SLC24A3: variants seen among roughly 807,000 people sequenced by gnomAD.
The protein encoded by SLC24A3 is solute carrier family 24 member 3.
Under a neutral mutation model 75.8 loss-of-function variants are expected in SLC24A3, and 28 were observed. The ratio of observed to expected loss-of-function variants is 0.37; its 90% CI spans 0.27 to 0.51. SLC24A3 has a LOEUF of 0.51. Ranked by LOEUF, SLC24A3 falls within the 20% of genes least tolerant of loss-of-function variation. SLC24A3 has a pLI of 0.94. For missense variants in SLC24A3, 663 were observed against 847.8 expected (o/e 0.78, Z 2.71); for synonymous variants, 372 against 334.1 (o/e 1.11, Z -1.24).
chr20:19,413,486 C>T (rs16980501), intron 2 of SLC24A3, among the ~76,000 whole-genome samples: 17,967 of 152,126 alleles, frequency 0.12, 1,587 homozygotes, highest in East Asian at 0.39. Context: ...GCCCTTTGAG[C>T]TGCCCCGTTC....
intron 2 of SLC24A3, among the ~76,000 whole-genome samples, chr20:19,391,085 G>A (rs186211061): frequency 1.3e-5 from 2 of 152,318 alleles, no homozygotes; most frequent in African/African-American, 2.4e-5. Flanking sequence ...ACCATCCTGG[G>A]ACCAGAACAT....
At chr20:19,452,633 G>A (rs988155004) in intron 2 of SLC24A3, among the ~76,000 whole-genome samples, 7 of 151,960 alleles carry the variant, frequency 4.6e-5, no homozygotes, top group African/African-American at 1.7e-4. Flanking sequence ...AGGGGTCCTG[G>A]GTGAATCATT....
intron 10 of SLC24A3, among the ~76,000 whole-genome samples, chr20:19,682,762 G>A (rs1477685207): frequency 1.3e-5 from 2 of 152,052 alleles, no homozygotes; most frequent in African/African-American, 4.8e-5. Context: ...TCACTTTAAG[G>A]CTACATTAAC....
intron 6 of SLC24A3, among the ~76,000 whole-genome samples, chr20:19,607,149 C>A (rs1371303368): frequency 6.6e-6 from 1 of 152,190 alleles, no homozygotes; most frequent in Non-Finnish European, 1.5e-5. Context: ...CCAATTGAAA[C>A]TGATTCTTTA....
intron 3 of SLC24A3, among the ~76,000 whole-genome samples, chr20:19,532,498 T>TG (rs1395123104): frequency 2.0e-5 from 3 of 152,200 alleles, no homozygotes; most frequent in African/African-American, 7.2e-5. Flanking sequence ...GGAGAATTCC[T>TG]GGGGTAGCTA....
chr20:19,632,746 C>G (rs1308148935), intron 6 of SLC24A3, among the ~76,000 whole-genome samples: 1 of 152,204 alleles, frequency 6.6e-6, no homozygotes, highest in Non-Finnish European at 1.5e-5. Flanking sequence ...AAGAACAACT[C>G]TGCTGCAGAA....
chr20:19,409,459 C>T (rs142785059), intron 2 of SLC24A3, among the ~76,000 whole-genome samples: 61 of 152,128 alleles, frequency 4.0e-4, no homozygotes, highest in African/African-American at 1.4e-3. Context: ...ATGTTCTGTG[C>T]CGGATCAGAC....
At chr20:19,219,179 GT>G (rs1251235299) in intron 1 of SLC24A3, among the ~76,000 whole-genome samples, 1 of 152,112 alleles carries the variant, frequency 6.6e-6, no homozygotes, top group Non-Finnish European at 1.5e-5. Context: ...TCCCCCTGCT[GT>G]TCTCTTCCTG....
At chr20:19,598,948 C>T (rs1387291570) in intron 6 of SLC24A3, among the ~76,000 whole-genome samples, 2 of 152,034 alleles carry the variant, frequency 1.3e-5, no homozygotes, top group African/African-American at 2.4e-5. Flanking sequence ...CTTTTACTCC[C>T]AGTTGCTATT....
intron 6 of SLC24A3, among the ~76,000 whole-genome samples, chr20:19,652,001 A>G (rs965578194): frequency 6.6e-6 from 1 of 152,054 alleles, no homozygotes; most frequent in Non-Finnish European, 1.5e-5. Context: ...CTATTAAGGT[A>G]AAGAATGAGC....
At chr20:19,367,509 G>A (rs1226256560) in intron 2 of SLC24A3, among the ~76,000 whole-genome samples, 2 of 150,306 alleles carry the variant, frequency 1.3e-5, no homozygotes, top group African/African-American at 4.9e-5. Flanking sequence ...TTTAAACCCT[G>A]CTTAGGTATG....
chr20:19,343,770 T>A (rs1405856545), intron 2 of SLC24A3, among the ~76,000 whole-genome samples: 1 of 152,174 alleles, frequency 6.6e-6, no homozygotes. Context: ...GGAAATAATG[T>A]TGGATGCATT....
Position 19,693,368 on chromosome 20 carries a change from G to A in SLC24A3, c.1434G>A (p.Val478=). 6.2e-7 allele frequency: 1 copy of A among 1,614,196 alleles called. No homozygotes were observed. The highest frequency in any genetic ancestry group is 1.3e-5 in the African/African-American group (1 of 75,048). The change falls in exon 13 of 17, where the codon GTG becomes GTA. Residue 478 remains valine (V), a synonymous_variant. Coordinates refer to ENST00000328041, the MANE Select transcript of SLC24A3 (RefSeq NM_020689.4). ...NKPRWEKWFM[V]TFASSTLWIA... ...CGCGCTGGGAGAAATGGTTCATGGT[G>A]ACGTTTGCTTCCTCCACGCTGTGGA...
chr20:19,625,295 T>G (rs1159031166), intron 6 of SLC24A3, among the ~76,000 whole-genome samples: 2 of 152,234 alleles, frequency 1.3e-5, no homozygotes, highest in African/African-American at 4.8e-5. Flanking sequence ...ATTCCATTAC[T>G]GGAAATAACA....
At chr20:19,519,581 C>T (rs146585999) in intron 3 of SLC24A3, among the ~76,000 whole-genome samples, 3,104 of 152,280 alleles carry the variant, frequency 0.02, 53 homozygotes, top group Non-Finnish European at 0.035. Flanking sequence ...ACAACTTTTT[C>T]AACAAAAGAT....
At chr20:19,300,081 C>T (rs1004851100) in intron 2 of SLC24A3, among the ~76,000 whole-genome samples, 3 of 152,244 alleles carry the variant, frequency 2.0e-5, no homozygotes, top group East Asian at 1.9e-4. Flanking sequence ...TCCTCAAAGG[C>T]GATGGAGTAC....
intron 2 of SLC24A3, among the ~76,000 whole-genome samples, chr20:19,485,309 C>T (rs184445054): frequency 2.4e-4 from 37 of 152,224 alleles, no homozygotes; most frequent in African/African-American, 8.9e-4. Context: ...CCTTGACACC[C>T]AGTAAGTGAA....
chr20:19,315,538 C>G (rs1354014622), intron 2 of SLC24A3, among the ~76,000 whole-genome samples: 1 of 152,162 alleles, frequency 6.6e-6, no homozygotes, highest in Non-Finnish European at 1.5e-5. Flanking sequence ...GGGGCAGATC[C>G]CTGAACCTCC....
At chr20:19,469,368 C>G (rs1987825686) in intron 2 of SLC24A3, among the ~76,000 whole-genome samples, 1 of 152,170 alleles carries the variant, frequency 6.6e-6, no homozygotes, top group South Asian at 2.1e-4. Context: ...CTTGAGTTTT[C>G]TCACCTTTTA....
Sources: allele counts gnomAD v4.1 joint callset (sites outside exome capture counted in the v4.1 genomes callset), GRCh38; gene constraint gnomAD v4.1.1; transcripts MANE v1.5; gene names NCBI Gene and HGNC (gene_info 2026-07-23, HGNC 2026-07-21).